CHD2: variants seen among roughly 807,000 people sequenced by gnomAD.
CHD2 encodes ATP-dependent chromatin remodeler CHD2.
Under a neutral mutation model 243.9 loss-of-function variants are expected in CHD2, and 28 were observed. The ratio of observed to expected loss-of-function variants is 0.11; its 90% CI spans 0.09 to 0.16. The LOEUF (loss-of-function observed/expected upper bound fraction) is 0.16, where lower values mean the gene tolerates loss of function less well. Ranked by LOEUF, CHD2 falls within the 10% of genes least tolerant of loss-of-function variation. The pLI is 1.00. For missense variants in CHD2, 1,386 were observed against 2,209.8 expected (o/e 0.63, Z 7.47); for synonymous variants, 775 against 779.0 (o/e 0.99, Z 0.09).
intron 26 of CHD2, among the ~76,000 whole-genome samples, chr15:92,988,423 A>T (rs1418348165): frequency 6.6e-6 from 1 of 152,138 alleles, no homozygotes; most frequent in East Asian, 1.9e-4. Flanking sequence ...GAAGGAAAAG[A>T]GTTACAAAAA....
Position 92,992,945 on chromosome 15 carries a change from G to C in CHD2, c.3542G>C (p.Cys1181Ser). 6.2e-7 allele frequency: 1 copy of C among 1,614,122 alleles called. No homozygotes were observed. Among genetic ancestry groups the C allele is most frequent in the Non-Finnish European group, 8.5e-7 (1 of 1,180,034 alleles). Residue 1181 changes from cysteine (C) to serine (S), a missense_variant, in exon 28 of 39, where the codon TGT (cysteine) becomes TCT (serine). By Grantham distance (112) the Cys-to-Ser change is moderately radical. Coordinates refer to ENST00000394196, the MANE Select transcript of CHD2 (RefSeq NM_001271.4). ...CTGGGTGAACTGATCCACAACAGCT[G>C]TGTGTCAGCAATGCAGGAATACGAA... Reference protein sequence around the residue: ...KRLGELIHNSCVSAMQEYEEQ... With the variant: ...KRLGELIHNSSVSAMQEYEEQ...
chr15:92,909,221 C>G (rs1031483756), intron 2 of CHD2, among the ~76,000 whole-genome samples: 1 of 152,064 alleles, frequency 6.6e-6, no homozygotes, highest in Non-Finnish European at 1.5e-5. Context: ...CTCTTGTGGT[C>G]GTCTCTTCCT....
At chr15:92,980,240 T>A (rs1194929298) in intron 22 of CHD2, among the ~76,000 whole-genome samples, 2 of 104,172 alleles carry the variant, frequency 1.9e-5, no homozygotes, top group Non-Finnish European at 4.2e-5. Context: ...TTTTTTTTTT[T>A]AGTAGAGACA....
chr15:92,944,251 GTTTT>G, intron 9 of CHD2, 160 bp from the exon 10 acceptor site: 1 of 470,192 alleles, frequency 2.1e-6, no homozygotes, highest in South Asian at 3.4e-5. Flanking sequence ...TTGTTTGTTT[GTTTT>G]GTTTTGTAAA....
chr15:92,936,493 G>C (rs185873592), intron 5 of CHD2, among the ~76,000 whole-genome samples: 2 of 152,250 alleles, frequency 1.3e-5, no homozygotes, highest in Admixed American at 1.3e-4. Flanking sequence ...TATCTTGTTG[G>C]ATTTTCAAGT....
chr15:93,004,498 A>C, intron 33 of CHD2, 119 bp from the exon 34 acceptor site: 1 of 983,446 alleles, frequency 1.0e-6, no homozygotes, highest in South Asian at 2.8e-5. Flanking sequence ...TTACTTTTTA[A>C]AAAATAAACT....
chr15:93,003,368 CCCA>C (rs1165461718), intron 33 of CHD2, among the ~76,000 whole-genome samples: 1 of 151,580 alleles, frequency 6.6e-6, no homozygotes, highest in African/African-American at 2.4e-5. Context: ...ATTTGAATTT[CCCA>C]TTTTGAAATA....
chr15:92,974,505 A>C (rs1314779151), intron 19 of CHD2, among the ~76,000 whole-genome samples: 2 of 152,184 alleles, frequency 1.3e-5, no homozygotes, highest in African/African-American at 4.8e-5. Context: ...GCAGGAGCTT[A>C]TTATTGGGTG....
intron 2 of CHD2, among the ~76,000 whole-genome samples, chr15:92,912,852 G>T (rs1037455861): frequency 6.6e-6 from 1 of 152,206 alleles, no homozygotes; most frequent in Non-Finnish European, 1.5e-5. Context: ...GCCAGGCCCT[G>T]ACAAACTAAA....
At chr15:92,941,729 AG>A in intron 7 of CHD2, 92 bp from the exon 8 acceptor site, 3 of 1,287,134 alleles carry the variant, frequency 2.3e-6, no homozygotes, top group Non-Finnish European at 3.2e-6. Flanking sequence ...TGGAACCAAA[AG>A]GGTATGGTTT....
At chr15:93,001,466 T>C (rs6497014) in intron 32 of CHD2, among the ~76,000 whole-genome samples, 105,573 of 152,122 alleles carry the variant, frequency 0.69, 38,151 homozygotes, top group East Asian at 0.99. Context: ...ATCAGCAGTG[T>C]GTACAGGAAC....
At chr15:92,904,471 C>T (rs1596362347) in intron 2 of CHD2, 2 of 989,726 alleles carry the variant, frequency 2.0e-6, no homozygotes, top group Non-Finnish European at 2.4e-6. Context: ...CTCCCCCTAC[C>T]CAGGGAGCCG....
chr15:92,988,868 A>G (rs1204895395), intron 26 of CHD2, among the ~76,000 whole-genome samples: 1 of 151,226 alleles, frequency 6.6e-6, no homozygotes, highest in Non-Finnish European at 1.5e-5. Flanking sequence ...ATCATTTTCG[A>G]CCTTTCTTTT....
chr15:92,904,566 C>G (rs943184355), intron 2 of CHD2: 3 of 1,016,088 alleles, frequency 3.0e-6, no homozygotes, highest in Non-Finnish European at 3.5e-6. Flanking sequence ...TCCTGGCAGT[C>G]TTGTCCGCCC....
chr15:93,013,381 A>G (rs2054416792), intron 36 of CHD2, among the ~76,000 whole-genome samples: 1 of 152,226 alleles, frequency 6.6e-6, no homozygotes, highest in South Asian at 2.1e-4. Flanking sequence ...GAGGGTCTGA[A>G]GTTGGACACA....
rs2141850590 is a variant in CHD2 at position 92,984,374 on chromosome 15, G to A, written c.3111G>A (p.Glu1037=). 1 of 1,604,626 alleles carries A rather than the reference G, an allele frequency of 6.2e-7. No homozygotes were observed. The highest frequency in any genetic ancestry group is 1.7e-5 in the Admixed American group (1 of 58,748). ...TGGAAGATGAAGAAGAGCTAGAAGA[G>A]CGTCCTCACAAGGACTGGGATGAGA... ...ATMEDEEELE[E]RPHKDWDEII... Residue 1037 remains glutamate, a synonymous_variant, in exon 25 of 39, where the codon GAG becomes GAA. Coordinates refer to ENST00000394196, the MANE Select transcript of CHD2 (RefSeq NM_001271.4).
At chr15:92,934,147 T>C (rs953534637) in intron 5 of CHD2, among the ~76,000 whole-genome samples, 6 of 152,250 alleles carry the variant, frequency 3.9e-5, no homozygotes, top group Admixed American at 2.6e-4. Flanking sequence ...TTACCAACTC[T>C]TGGTCAAAGT....
chr15:93,003,168 C>T (rs1252507623), intron 33 of CHD2, among the ~76,000 whole-genome samples: 1 of 151,802 alleles, frequency 6.6e-6, no homozygotes, highest in Non-Finnish European at 1.5e-5. Flanking sequence ...GCCTACGGGC[C>T]CAGTTGCATG....
chr15:92,905,542 A>G (rs907193301), intron 2 of CHD2, among the ~76,000 whole-genome samples: 2 of 152,170 alleles, frequency 1.3e-5, no homozygotes, highest in African/African-American at 4.8e-5. Flanking sequence ...GTGTTACTTC[A>G]AAGGAGATGT....
Sources: gnomAD v4.1 joint callset for allele counts (sites outside exome capture counted in the v4.1 genomes callset) on GRCh38, gnomAD v4.1.1 for gene constraint, MANE v1.5 for transcripts, NCBI Gene and HGNC (gene_info 2026-07-23, HGNC 2026-07-21) for gene names.